Variants in KDM4B observed in about 807,000 individuals in gnomAD.
KDM4B encodes the protein lysine demethylase 4B.
Under a neutral mutation model 125.2 loss-of-function variants are expected in KDM4B, and 32 were observed. The ratio of observed to expected loss-of-function variants is 0.26; its 90% CI spans 0.19 to 0.34. The LOEUF (loss-of-function observed/expected upper bound fraction) is 0.34, where lower values mean the gene tolerates loss of function less well. Ranked by LOEUF, KDM4B falls within the 10% of genes least tolerant of loss-of-function variation. The pLI, the probability that KDM4B is intolerant of heterozygous loss-of-function variation, is 1.00. For synonymous variants in KDM4B, 721 were observed against 677.9 expected (o/e 1.06, Z -0.99); for missense variants, 1,190 against 1,577.7 (o/e 0.75, Z 4.16).
At position 5,119,281 on chromosome 19, in the gene KDM4B, G is replaced by A. The variant is rs903860269; in HGVS notation, c.1116-372G>A. 306 of 1,143,876 alleles carry A rather than the reference G, an allele frequency of 2.7e-4. 1 individual carries two copies. Among genetic ancestry groups the A allele is most frequent in the Non-Finnish European group, 3.5e-4 (281 of 792,400 alleles). 70.9% of individuals were successfully genotyped at this position (1,143,876 alleles called of 1,614,324 possible). On this transcript the variant is annotated intron_variant, in intron 10 of 22. Coordinates refer to ENST00000159111, the MANE Select transcript of KDM4B (RefSeq NM_015015.3). ...TTTTCCATGAGCTGCTGTTTCCCTCGGAGCTCACACTCCCTGTGTCTCTGT... is the reference window on the plus strand; with the variant it reads ...TTTTCCATGAGCTGCTGTTTCCCTCAGAGCTCACACTCCCTGTGTCTCTGT...
chr19:4,991,907 T>G (rs559078115), intron 1 of KDM4B, among the ~76,000 whole-genome samples: 1 of 152,226 alleles, frequency 6.6e-6, no homozygotes, highest in Non-Finnish European at 1.5e-5. Context: ...GAAGTTGTTG[T>G]GTGTATCAGT....
At chr19:5,040,032 G>A (rs371331837) in intron 4 of KDM4B, 21 bp downstream of exon 4, 110 of 1,593,214 alleles carry the variant, frequency 6.9e-5, no homozygotes, top group African/African-American at 2.6e-4. Context: ...CGGGCAGGGC[G>A]GACCTGACCC....
At chr19:5,045,772 C>T (rs556682925) in intron 5 of KDM4B, among the ~76,000 whole-genome samples, 32 of 152,238 alleles carry the variant, frequency 2.1e-4, no homozygotes, top group Middle Eastern at 6.8e-3. Flanking sequence ...CCATGTCCAG[C>T]CTAATTTTTG....
At chr19:5,111,345 CGT>C (rs750680333) in intron 10 of KDM4B, 14 of 755,098 alleles carry the variant, frequency 1.9e-5, no homozygotes, top group African/African-American at 6.8e-5. Context: ...GGCCCCGGGG[CGT>C]GACCCTGGAT....
At chr19:5,018,870 C>T (rs1372530199) in intron 2 of KDM4B, among the ~76,000 whole-genome samples, 1 of 152,246 alleles carries the variant, frequency 6.6e-6, no homozygotes, top group African/African-American at 2.4e-5. Flanking sequence ...AGAGTTCATC[C>T]ACTCCGTGGC....
intron 1 of KDM4B, among the ~76,000 whole-genome samples, chr19:4,978,950 G>T (rs1454631192): frequency 5.9e-5 from 9 of 152,208 alleles, no homozygotes; most frequent in Non-Finnish European, 8.8e-5. Context: ...TCTCCTGCCC[G>T]CAGGGCCTCT....
intron 9 of KDM4B, among the ~76,000 whole-genome samples, chr19:5,101,608 GAT>G (rs1334663301): frequency 6.6e-6 from 1 of 151,562 alleles, no homozygotes; most frequent in African/African-American, 2.4e-5. Context: ...GATGCAAGGG[GAT>G]AGCGGGGAGG....
chr19:5,108,377 A>G (rs1231024753), intron 9 of KDM4B, among the ~76,000 whole-genome samples: 1 of 152,186 alleles, frequency 6.6e-6, no homozygotes, highest in Non-Finnish European at 1.5e-5. Flanking sequence ...GGAATTGCCC[A>G]GCCACAAATA....
rs2035889719 is a variant in KDM4B, at chr19:5,016,267, T to C, written c.-98T>C. On this transcript the variant is annotated 5_prime_UTR_variant, in exon 2 of 23. Transcript: ENST00000159111. ...ATTTGCATGTTTTAGGAACCATCAC[T>C]GTTGCTGGAGGCACCTGACAAATCC... 1 of 152,268 alleles carries C rather than the reference T, an allele frequency of 6.6e-6. No individual in the cohort carries two copies. Among genetic ancestry groups the C allele is most frequent in the South Asian group, 2.1e-4 (1 of 4,838 alleles). The allele number at this position is 152,268 out of a possible 1,614,324, so 9.4% of individuals were successfully genotyped here.
At position 5,142,225 on chromosome 19, in the gene KDM4B, C is replaced by A. The variant is rs901510967; in HGVS notation, c.2551-1742C>A. 6.6e-6 allele frequency among the ~76,000 whole-genome samples: 1 copy of A among 152,102 alleles called. No individual in the cohort carries two copies. The highest frequency in any genetic ancestry group is 2.4e-5 in the African/African-American group (1 of 41,436). On this transcript the variant is annotated intron_variant, in intron 18 of 22. Coordinates refer to ENST00000159111, the MANE Select transcript of KDM4B (RefSeq NM_015015.3). This position sits in a 1 kb window ranked among gnomAD's most constrained non-coding sequence, Gnocchi z 5.4. ...AGTGCCTGGGCCCTTCCAGGCCCCCCACGGGCCGTAGACCCTGACTCCCCG... is the reference window on the plus strand; with the variant it reads ...AGTGCCTGGGCCCTTCCAGGCCCCCAACGGGCCGTAGACCCTGACTCCCCG...
At chr19:5,043,357 G>T (rs1206285903) in intron 5 of KDM4B, among the ~76,000 whole-genome samples, 4 of 140,610 alleles carry the variant, frequency 2.8e-5, no homozygotes, top group African/African-American at 1.1e-4. Flanking sequence ...TTATCGGAGT[G>T]GGGGTGTCCA....
chr19:5,138,803 C>A (rs73529633), intron 18 of KDM4B, among the ~76,000 whole-genome samples: 1 of 152,262 alleles, frequency 6.6e-6, no homozygotes, highest in African/African-American at 2.4e-5. Flanking sequence ...ACTGACACTT[C>A]ACACGTGCTA....
chr19:5,057,077 C>T (rs1166904552), intron 6 of KDM4B, among the ~76,000 whole-genome samples: 5 of 150,388 alleles, frequency 3.3e-5, no homozygotes, highest in South Asian at 4.2e-4. Context: ...CGCGCGCGCG[C>T]GTATGTTAGC....
intron 9 of KDM4B, among the ~76,000 whole-genome samples, chr19:5,085,614 G>A (rs755486208): frequency 2.6e-5 from 4 of 152,230 alleles, no homozygotes; most frequent in African/African-American, 4.8e-5. Context: ...TGCAGCGCTC[G>A]AAACACACCA....
intron 6 of KDM4B, 138 bp downstream of exon 6, chr19:5,047,807 A>G (rs1325916403): frequency 1.7e-5 from 14 of 813,698 alleles, no homozygotes; most frequent in Non-Finnish European, 2.5e-5. Flanking sequence ...ACGGCTGGAG[A>G]TCTTCCGGAC....
chr19:5,028,062 G>C (rs1443733509), intron 2 of KDM4B, among the ~76,000 whole-genome samples: 1 of 152,090 alleles, frequency 6.6e-6, no homozygotes, highest in African/African-American at 2.4e-5. Context: ...CTGCAGCCTC[G>C]AAATCCTGGC....
intron 2 of KDM4B, among the ~76,000 whole-genome samples, chr19:5,025,831 C>T (rs538026147): frequency 6.6e-6 from 1 of 152,312 alleles, no homozygotes; most frequent in African/African-American, 2.4e-5. Flanking sequence ...TGGTCCCAAA[C>T]CAACTTCATT....
intron 1 of KDM4B, among the ~76,000 whole-genome samples, chr19:4,983,843 G>T (rs2034735299): frequency 6.6e-6 from 1 of 152,196 alleles, no homozygotes; most frequent in Non-Finnish European, 1.5e-5. Flanking sequence ...GACACCCGGA[G>T]ACCTGCTACC....
At chr19:5,124,183 G>A (rs2039410445) in intron 11 of KDM4B, among the ~76,000 whole-genome samples, 1 of 151,826 alleles carries the variant, frequency 6.6e-6, no homozygotes, top group South Asian at 2.1e-4. Flanking sequence ...CTGGGGACCC[G>A]GGCCCACCCA....
Sources: gnomAD v4.1 joint callset for allele counts (sites outside exome capture counted in the v4.1 genomes callset) on GRCh38, gnomAD v4.1.1 for gene constraint, Gnocchi (gnomAD v3.1) non-coding constraint, MANE v1.5 for transcripts, NCBI Gene and HGNC (gene_info 2026-07-23, HGNC 2026-07-21) for gene names.